Variants in ZNF385D observed in about 807,000 individuals in gnomAD.
The protein encoded by ZNF385D is zinc finger protein 385D.
A neutral mutation model predicts 35.8 loss-of-function variants in ZNF385D; 15 were observed. The observed-to-expected ratio is 0.42, with a 90% CI of 0.28 to 0.64. The LOEUF (loss-of-function observed/expected upper bound fraction) is 0.64. ZNF385D is among the 30% of genes least tolerant of loss of function. The pLI, the probability that ZNF385D is intolerant of heterozygous loss-of-function variation, is 0.23. For synonymous variants in ZNF385D, 212 were observed against 186.8 expected (o/e 1.13, Z -1.10); for missense variants, 474 against 494.6 (o/e 0.96, Z 0.39).
intron 3 of ZNF385D, among the ~76,000 whole-genome samples, chr3:21,802,018 G>A (rs1296184966): frequency 2.0e-5 from 3 of 152,044 alleles, no homozygotes; most frequent in Admixed American, 6.6e-5. Context: ...ACAGAATACA[G>A]TTTTCAACTT....
chr3:21,914,769 C>T (rs1267983436), intron 3 of ZNF385D, among the ~76,000 whole-genome samples: 2 of 151,926 alleles, frequency 1.3e-5, no homozygotes, highest in Admixed American at 6.6e-5. Context: ...CTAAATACCC[C>T]TCGGTTTATT....
At chr3:21,911,146 C>A (rs1376019444) in intron 3 of ZNF385D, among the ~76,000 whole-genome samples, 2 of 151,828 alleles carry the variant, frequency 1.3e-5, no homozygotes, top group African/African-American at 4.8e-5. Context: ...CAAAATAGAT[C>A]TGTAAATAGT....
At chr3:22,175,079 T>C (rs1694728355) in intron 2 of ZNF385D, among the ~76,000 whole-genome samples, 2 of 97,162 alleles carry the variant, frequency 2.1e-5, no homozygotes, top group South Asian at 3.2e-4. Context: ...GATATCAGTC[T>C]AGTCCATTTC....
intron 3 of ZNF385D, among the ~76,000 whole-genome samples, chr3:21,770,163 G>A (rs925358469): frequency 6.6e-6 from 1 of 152,130 alleles, no homozygotes; most frequent in African/African-American, 2.4e-5. Context: ...ATATCATTCA[G>A]GACATAGGCA....
At chr3:21,962,256 G>C (rs1469814557) in intron 3 of ZNF385D, among the ~76,000 whole-genome samples, 2 of 152,076 alleles carry the variant, frequency 1.3e-5, no homozygotes, top group African/African-American at 4.8e-5. Flanking sequence ...AGATTTCAGA[G>C]GTAAGATCAA....
At chr3:21,998,180 C>A (rs1290982412) in intron 3 of ZNF385D, among the ~76,000 whole-genome samples, 1 of 152,078 alleles carries the variant, frequency 6.6e-6, no homozygotes, top group Admixed American at 6.6e-5. Context: ...TAGTGAATAA[C>A]CTACCCCTTA....
chr3:21,574,193 C>G (rs911481938), intron 2 of ZNF385D, among the ~76,000 whole-genome samples: 7 of 151,962 alleles, frequency 4.6e-5, no homozygotes, highest in African/African-American at 1.7e-4. Flanking sequence ...ATAATGTCAC[C>G]TATGAGGAAG....
At chr3:22,171,975 A>G (rs1229014878) in intron 2 of ZNF385D, among the ~76,000 whole-genome samples, 2 of 152,080 alleles carry the variant, frequency 1.3e-5, no homozygotes, top group Non-Finnish European at 1.5e-5. Flanking sequence ...TTCGTAAGCA[A>G]TTTTCCTCCC....
chr3:21,534,706 A>C (rs1244001298), intron 3 of ZNF385D, among the ~76,000 whole-genome samples: 3 of 152,154 alleles, frequency 2.0e-5, no homozygotes, highest in Non-Finnish European at 4.4e-5. Flanking sequence ...GAAATCATTT[A>C]GAATGCAAAT....
At chr3:21,966,053 A>T (rs1246449187) in intron 3 of ZNF385D, among the ~76,000 whole-genome samples, 1 of 152,190 alleles carries the variant, frequency 6.6e-6, no homozygotes, top group African/African-American at 2.4e-5. Context: ...TCTTTCCTAG[A>T]TCTTTACTCC....
At chr3:22,215,611 A>C (rs1160301201) in intron 2 of ZNF385D, among the ~76,000 whole-genome samples, 4 of 152,076 alleles carry the variant, frequency 2.6e-5, no homozygotes, top group Non-Finnish European at 4.4e-5. Flanking sequence ...GATGTTATCA[A>C]TGAAAATACT....
At chr3:22,153,744 G>A (rs1475009573) in intron 3 of ZNF385D, among the ~76,000 whole-genome samples, 1 of 152,032 alleles carries the variant, frequency 6.6e-6, no homozygotes, top group East Asian at 1.9e-4. Flanking sequence ...CATTAATCCT[G>A]AAATTCTTAA....
chr3:22,080,740 T>C (rs927874854), intron 3 of ZNF385D, among the ~76,000 whole-genome samples: 3 of 151,860 alleles, frequency 2.0e-5, no homozygotes, highest in Non-Finnish European at 2.9e-5. Context: ...TATTAAAAGG[T>C]AGGGCCTTTG....
At position 21,730,866 on chromosome 3, in the gene ZNF385D, T is replaced by C. The variant is rs186237529; in HGVS notation, c.22+20029A>G. Among the ~76,000 whole-genome samples the C allele has an allele frequency of 6.2e-4, 95 of 152,354 alleles. 2 individuals are homozygous for C. In the East Asian group the frequency reaches 0.017, roughly 28 times the overall value. The stretch of plus-strand genomic sequence containing the variant: ...TCACAAAATACAGATATGCTTATTT[T>C]GGTCATGGCTGCACCCTATTCCAGC... On this transcript the variant is annotated intron_variant, in intron 1 of 7. Transcript: ENST00000281523.
At chr3:21,982,855 T>C (rs1474674913) in intron 3 of ZNF385D, among the ~76,000 whole-genome samples, 1 of 152,146 alleles carries the variant, frequency 6.6e-6, no homozygotes, top group South Asian at 2.1e-4. Context: ...CATGTGGGTT[T>C]TTTTTGTCTT....
At chr3:22,058,756 A>C (rs1699543528) in intron 3 of ZNF385D, among the ~76,000 whole-genome samples, 1 of 152,210 alleles carries the variant, frequency 6.6e-6, no homozygotes, top group Non-Finnish European at 1.5e-5. Flanking sequence ...TTATATGTTA[A>C]CTTTTGGAAG....
chr3:21,721,057 G>T (rs1055759247), intron 1 of ZNF385D, among the ~76,000 whole-genome samples: 2 of 151,912 alleles, frequency 1.3e-5, no homozygotes, highest in African/African-American at 4.8e-5. Context: ...AAAGAAAGTT[G>T]TAACAGGTTT....
intron 1 of ZNF385D, among the ~76,000 whole-genome samples, chr3:21,713,675 C>G (rs1456879411): frequency 5.9e-5 from 9 of 152,048 alleles, no homozygotes; most frequent in Admixed American, 5.9e-4. Flanking sequence ...TTTGATATAC[C>G]CATAGTCCAT....
intron 2 of ZNF385D, among the ~76,000 whole-genome samples, chr3:22,205,988 A>G (rs1223790348): frequency 1.3e-5 from 2 of 151,854 alleles, no homozygotes; most frequent in Non-Finnish European, 2.9e-5. Flanking sequence ...AAAAGACCCA[A>G]CTCAAATCTT....
Sources: allele counts gnomAD v4.1 joint callset (sites outside exome capture counted in the v4.1 genomes callset), GRCh38; gene constraint gnomAD v4.1.1; transcripts MANE v1.5; gene names NCBI Gene and HGNC (gene_info 2026-07-23, HGNC 2026-07-21).